The following CMTM7 variants were observed in gnomAD, a reference collection of about 807,000 sequenced individuals.
The protein encoded by CMTM7 is CKLF-like MARVEL transmembrane domain-containing protein 7.
CMTM7 carries 7 observed loss-of-function variants against 19.3 expected under a neutral mutation model. The ratio of observed to expected loss-of-function variants is 0.36; its 90% CI spans 0.21 to 0.68. The LOEUF (loss-of-function observed/expected upper bound fraction) is 0.68. Among genes scored for constraint, CMTM7 ranks in the 30% least tolerant of loss-of-function variants. The pLI is 0.60. For synonymous variants in CMTM7, 87 were observed against 99.3 expected (o/e 0.88, Z 0.74); for missense variants, 193 against 232.6 (o/e 0.83, Z 1.11).
intron 1 of CMTM7, among the ~76,000 whole-genome samples, chr3:32,396,518 C>CA (rs542438129): frequency 1.4e-3 from 214 of 151,890 alleles, no homozygotes; most frequent in Middle Eastern, 6.8e-3. Context: ...AAAACAACAA[C>CA]AACAACAACA....
At chr3:32,414,890 T>C (rs2125627054) in intron 1 of CMTM7, among the ~76,000 whole-genome samples, 1 of 152,260 alleles carries the variant, frequency 6.6e-6, no homozygotes, top group South Asian at 2.1e-4. Context: ...AAACAGGCCC[T>C]GGGAGGTTAC....
At chr3:32,442,813 A>G (rs891408345) in intron 2 of CMTM7, among the ~76,000 whole-genome samples, 1 of 152,194 alleles carries the variant, frequency 6.6e-6, no homozygotes, top group Non-Finnish European at 1.5e-5. Context: ...TCAAGGGTAC[A>G]ATTCAATGGA....
chr3:32,454,196 G>GC (rs1235809483), intron 4 of CMTM7, 45 bp from the exon 5 acceptor site: 1 of 1,562,282 alleles, frequency 6.4e-7, no homozygotes, highest in East Asian at 2.3e-5. Context: ...TTGTGGGTGG[G>GC]CCACATCCCT....
intron 2 of CMTM7, 43 bp downstream of exon 2, chr3:32,442,056 G>C: frequency 6.3e-7 from 1 of 1,581,122 alleles, no homozygotes; most frequent in Non-Finnish European, 8.7e-7. Flanking sequence ...GCACAAGTCA[G>C]GATGTTAGCT....
chr3:32,418,034 C>G (rs554621985), intron 1 of CMTM7, among the ~76,000 whole-genome samples: 1 of 152,164 alleles, frequency 6.6e-6, no homozygotes, highest in African/African-American at 2.4e-5. Context: ...GTTGCTAAGG[C>G]TGGTCTCGAA....
chr3:32,402,994 C>T (rs1035643616), intron 1 of CMTM7, among the ~76,000 whole-genome samples: 2 of 152,170 alleles, frequency 1.3e-5, no homozygotes, highest in African/African-American at 2.4e-5. Flanking sequence ...ATTACTGTAT[C>T]GTGACTTCTG....
intron 1 of CMTM7, 69 bp downstream of exon 1, chr3:32,392,134 G>T: frequency 8.7e-7 from 1 of 1,154,006 alleles, no homozygotes; most frequent in South Asian, 4.4e-5. Context: ...TCCGGGAGCG[G>T]ACGCGCCGGG....
At chr3:32,445,068 G>A (rs939761638) in intron 2 of CMTM7, among the ~76,000 whole-genome samples, 4 of 152,146 alleles carry the variant, frequency 2.6e-5, no homozygotes, top group Non-Finnish European at 5.9e-5. Context: ...CCTCAACTGT[G>A]CTGAACTACT....
intron 1 of CMTM7, among the ~76,000 whole-genome samples, chr3:32,392,436 G>C (rs986077123): frequency 6.6e-6 from 1 of 152,260 alleles, no homozygotes; most frequent in Non-Finnish European, 1.5e-5. Context: ...ACCCGAGCCG[G>C]GGGTGGAAGA....
chr3:32,454,365 G>A lies in CMTM7; in HGVS notation c.*111G>A. The A allele has an allele frequency of 7.2e-7, 1 of 1,385,582 alleles. No homozygotes were observed. Among genetic ancestry groups the A allele is most frequent in the Non-Finnish European group, 1.0e-6 (1 of 983,442 alleles). The allele number at this position is 1,385,582 out of a possible 1,614,324, so 85.8% of individuals were successfully genotyped here. The stretch of plus-strand genomic sequence containing the variant: ...TGCCAAAGTCCTGTCAGGCTGGTGG[G>A]CACCAGGAAAGGCCTGCACCCTCTT... On this transcript the variant is annotated 3_prime_UTR_variant, in exon 5 of 5. Transcript: ENST00000334983.
In CMTM7 at chr3:32,454,559, C is replaced by A. The variant is rs992654218; in HGVS notation, c.*305C>A. 1.6e-6 allele frequency: 1 copy of A among 612,646 alleles called. No individual in the cohort carries two copies. Among genetic ancestry groups the A allele is most frequent in the Non-Finnish European group, 3.0e-6 (1 of 330,352 alleles). The allele number at this position is 612,646 out of a possible 1,614,324, so 38.0% of individuals were successfully genotyped here. A position where few individuals can be genotyped will look rare whatever the true frequency, so the allele number is the denominator to read the frequency against. ...CCACCTCAGGTACTGATGAACCCCA[C>A]TTAGCACAGCTGAAGGGGTTTGTGA... On this transcript the variant is annotated 3_prime_UTR_variant, in exon 5 of 5. Transcript: ENST00000334983.
chr3:32,406,123 T>C (rs181691497), intron 1 of CMTM7, among the ~76,000 whole-genome samples: 1 of 152,350 alleles, frequency 6.6e-6, no homozygotes, highest in Non-Finnish European at 1.5e-5. Context: ...TCTATACTTT[T>C]ATTACCTAAC....
At chr3:32,404,263 C>T (rs1481782977) in intron 1 of CMTM7, among the ~76,000 whole-genome samples, 2 of 148,684 alleles carry the variant, frequency 1.3e-5, no homozygotes, top group African/African-American at 5.0e-5. Context: ...CAGGTTCAAG[C>T]AATTATCTTG....
In CMTM7 at chr3:32,391,931, C is replaced by T. The variant is rs901824399; in HGVS notation, c.25C>T (p.Arg9Cys). 2.5e-5 allele frequency: 31 copies of T among 1,227,750 alleles called. No individual in the cohort carries two copies. Among genetic ancestry groups the T allele is most frequent in the Non-Finnish European group, 3.0e-5 (30 of 985,114 alleles). 76.1% of individuals were successfully genotyped at this position (1,227,750 alleles called of 1,614,324 possible). MSHGAGLV[R>C]TTCSSGSALG... ...AATGTCGCACGGAGCCGGGCTCGTC[C>T]GCACCACGTGCAGCAGCGGCAGCGC... Residue 9 changes from arginine to cysteine, a missense_variant, in exon 1 of 5, where the codon CGC becomes TGC. By Grantham distance (180) the Arg-to-Cys change is radical (BLOSUM62 -3). Coordinates refer to ENST00000334983, the MANE Select transcript of CMTM7 (RefSeq NM_138410.4).
At chr3:32,409,582 C>T (rs575508847) in intron 1 of CMTM7, among the ~76,000 whole-genome samples, 1 of 152,324 alleles carries the variant, frequency 6.6e-6, no homozygotes, top group Non-Finnish European at 1.5e-5. Flanking sequence ...GTTGTCACAT[C>T]TCTAATTTCC....
chr3:32,415,964 G>A (rs1230795232), intron 1 of CMTM7, among the ~76,000 whole-genome samples: 1 of 152,192 alleles, frequency 6.6e-6, no homozygotes, highest in Non-Finnish European at 1.5e-5. Flanking sequence ...GCTGTCATCT[G>A]TAGAGCATGT....
chr3:32,446,387 T>C (rs79423531), intron 2 of CMTM7, among the ~76,000 whole-genome samples: 2,211 of 152,314 alleles, frequency 0.015, 39 homozygotes, highest in African/African-American at 0.05. Context: ...CTCTTTCTCT[T>C]TGATCAATCT....
At chr3:32,412,742 T>A (rs1053334596) in intron 1 of CMTM7, among the ~76,000 whole-genome samples, 1 of 152,138 alleles carries the variant, frequency 6.6e-6, no homozygotes, top group Non-Finnish European at 1.5e-5. Flanking sequence ...GTTTCTACAA[T>A]GTTATATTTT....
In CMTM7 at chr3:32,449,657, A is replaced by G; in HGVS notation, c.432+105A>G. 1 of 837,760 alleles carries G rather than the reference A, an allele frequency of 1.2e-6. No homozygotes were observed. Among genetic ancestry groups the G allele is most frequent in the Non-Finnish European group, 2.1e-6 (1 of 484,558 alleles). 51.9% of individuals were successfully genotyped at this position (837,760 alleles called of 1,614,324 possible). ...GCTTGGTTTCTGGGGCATTCCCTTC[A>G]TAGAATCAATACCTACCTTGATCCA... On this transcript the variant is annotated intron_variant, in intron 3 of 4. Transcript: ENST00000334983. The surrounding 1 kb of genome is among the most constrained non-coding windows in gnomAD (Gnocchi z 4.5).
Sources: allele counts gnomAD v4.1 joint callset (sites outside exome capture counted in the v4.1 genomes callset), GRCh38; gene constraint gnomAD v4.1.1; non-coding constraint Gnocchi (gnomAD v3.1); transcripts MANE v1.5; gene names NCBI Gene and HGNC (gene_info 2026-07-23, HGNC 2026-07-21).